The following DOCK9 variants were observed in gnomAD, a reference collection of about 807,000 sequenced individuals.
DOCK9 encodes dedicator of cytokinesis 9, also known as dedicator of cytokinesis protein 9.
A neutral mutation model predicts 263.3 loss-of-function variants in DOCK9; 89 were observed. The observed-to-expected ratio is 0.34, with a 90% CI of 0.28 to 0.40. The LOEUF (loss-of-function observed/expected upper bound fraction) is 0.40. DOCK9 is among the 10% of genes least tolerant of loss of function. DOCK9 has a pLI of 1.00. For synonymous variants in DOCK9, 976 were observed against 973.1 expected (o/e 1.00, Z -0.06); for missense variants, 2,140 against 2,603.4 (o/e 0.82, Z 3.87).
upstream of DOCK9, among the ~76,000 whole-genome samples, chr13:98,979,338 T>C (rs1172731931): frequency 2.6e-5 from 4 of 151,996 alleles, no homozygotes; most frequent in Admixed American, 1.3e-4. Context: ...GGAAATAACA[T>C]AAACTATTAT....
chr13:98,825,823 G>T lies in DOCK9; in HGVS notation c.5023+1007C>A. 1 of 1,311,130 alleles carries T rather than the reference G, an allele frequency of 7.6e-7. No homozygotes were observed. Among genetic ancestry groups the T allele is most frequent in the Non-Finnish European group, 1.0e-6 (1 of 990,904 alleles). 81.2% of individuals were successfully genotyped at this position (1,311,130 alleles called of 1,614,324 possible). On this transcript the variant is annotated intron_variant, in intron 44 of 52. Transcript: ENST00000682017. This position sits in a 1 kb window ranked among gnomAD's most constrained non-coding sequence, Gnocchi z 4.1. ...CAAATCCCCCACCACGGGAGGGCACGTGACCAGGGCAGGGGGTCCCCGGGG... is the reference window on the plus strand; with the variant it reads ...CAAATCCCCCACCACGGGAGGGCACTTGACCAGGGCAGGGGGTCCCCGGGG...
At chr13:98,922,015 T>C in intron 6 of DOCK9, 36 bp downstream of exon 6, 2 of 1,509,210 alleles carry the variant, frequency 1.3e-6, no homozygotes, top group Non-Finnish European at 1.8e-6. Flanking sequence ...AGAAAGGGCT[T>C]GTGAGAGGGG....
chr13:99,054,307 T>C (rs541967927), intron 1 of DOCK9, among the ~76,000 whole-genome samples: 2 of 152,350 alleles, frequency 1.3e-5, no homozygotes, highest in South Asian at 4.1e-4. Context: ...GGGTAATTTG[T>C]GGCCTCGCCA....
At chr13:99,007,448 T>A (rs904481348) in intron 1 of DOCK9, among the ~76,000 whole-genome samples, 5 of 152,030 alleles carry the variant, frequency 3.3e-5, no homozygotes, top group South Asian at 4.1e-4. Flanking sequence ...AGCAAAAAGG[T>A]CACTGCTTCT....
At chr13:99,087,120 T>C (rs555999708), upstream of DOCK9, among the ~76,000 whole-genome samples, 11 of 152,036 alleles carry the variant, frequency 7.2e-5, no homozygotes, top group South Asian at 2.1e-3. Flanking sequence ...GTGGCACCGA[T>C]CGGAACCCGC....
intron 1 of DOCK9, among the ~76,000 whole-genome samples, chr13:99,029,564 G>A (rs1199092255): frequency 1.3e-5 from 2 of 152,142 alleles, no homozygotes; most frequent in African/African-American, 2.4e-5. Flanking sequence ...AAATGGCCAT[G>A]AGCACATAAA....
chr13:99,014,588 C>G (rs1345703012), intron 1 of DOCK9, among the ~76,000 whole-genome samples: 8 of 152,222 alleles, frequency 5.3e-5, no homozygotes. Flanking sequence ...GGTAGCCTCA[C>G]CAGCCGGGAA....
At chr13:99,006,769 A>G (rs1883408880) in intron 1 of DOCK9, among the ~76,000 whole-genome samples, 1 of 152,188 alleles carries the variant, frequency 6.6e-6, no homozygotes, top group Non-Finnish European at 1.5e-5. Context: ...TATTCTAAAT[A>G]TAAAAGACAA....
Position 98,978,051 on chromosome 13 carries a change from G to A in DOCK9, c.-142C>T. Reference sequence around the variant, plus strand: ...CACAAGTGGTCAGCCCCGCTGGCTGGGTCTGCAGAGCCTGTGGGGTGGGAA... The same window carrying A: ...CACAAGTGGTCAGCCCCGCTGGCTGAGTCTGCAGAGCCTGTGGGGTGGGAA... On this transcript the variant is annotated 5_prime_UTR_variant, in exon 1 of 53. Coordinates refer to ENST00000682017, the MANE Select transcript of DOCK9 (RefSeq NM_001366683.2). The A allele has an allele frequency of 2.8e-6, 4 of 1,435,844 alleles. No homozygotes were observed. Among genetic ancestry groups the A allele is most frequent in the Non-Finnish European group, 3.6e-6 (4 of 1,099,804 alleles). The allele number at this position is 1,435,844 out of a possible 1,614,324, so 88.9% of individuals were successfully genotyped here. A position where few individuals can be genotyped will look rare whatever the true frequency, so the allele number is the denominator to read the frequency against.
intron 49 of DOCK9, among the ~76,000 whole-genome samples, chr13:98,800,911 T>C (rs946889422): frequency 6.6e-6 from 1 of 152,206 alleles, no homozygotes; most frequent in African/African-American, 2.4e-5. Context: ...AAATTCATTT[T>C]TGTCCATAGA....
At position 98,978,022 on chromosome 13, in the gene DOCK9, C is replaced by T; in HGVS notation, c.-113G>A. On this transcript the variant is annotated 5_prime_UTR_variant, in exon 1 of 53. Transcript: ENST00000682017. ...AAGGAAGGAAAGGAAACTGGCTTCC[C>T]AGGCACAAGTGGTCAGCCCCGCTGG... is the stretch of plus-strand genomic sequence containing the variant. 1 of 1,452,430 alleles carries T rather than the reference C, an allele frequency of 6.9e-7. No homozygotes were observed. The highest frequency in any genetic ancestry group is 1.4e-5 in the African/African-American group (1 of 70,454). The allele number at this position is 1,452,430 out of a possible 1,614,324, so 90.0% of individuals were successfully genotyped here.
At chr13:98,884,575 A>G (rs56339141) in intron 21 of DOCK9, among the ~76,000 whole-genome samples, 5,255 of 152,346 alleles carry the variant, frequency 0.034, 143 homozygotes, top group Middle Eastern at 0.092. Flanking sequence ...AGGTTTCAGA[A>G]TGTGCAACCC....
chr13:98,999,280 G>A (rs1352011277), intron 1 of DOCK9, among the ~76,000 whole-genome samples: 1 of 94,032 alleles, frequency 1.1e-5, no homozygotes, highest in Non-Finnish European at 2.2e-5. Flanking sequence ...ATGTGTGCAC[G>A]CATGCACGCG....
chr13:98,989,286 A>G (rs1267328974), intron 1 of DOCK9, among the ~76,000 whole-genome samples: 2 of 151,336 alleles, frequency 1.3e-5, no homozygotes, highest in Admixed American at 6.6e-5. Context: ...TTCTGCCTCA[A>G]GTCATTTTGG....
At chr13:98,796,343 C>T in intron 52 of DOCK9, 1 of 757,570 alleles carries the variant, frequency 1.3e-6, no homozygotes, top group Non-Finnish European at 2.3e-6. Context: ...ACGGCCCTGG[C>T]TTCCACTGTG....
chr13:98,837,947 A>C (rs2093067983), intron 38 of DOCK9, among the ~76,000 whole-genome samples: 1 of 152,136 alleles, frequency 6.6e-6, no homozygotes, highest in South Asian at 2.1e-4. Flanking sequence ...AAGTATGAAG[A>C]TTGTTGAACC....
chr13:99,007,510 T>C (rs1883554103), intron 1 of DOCK9, among the ~76,000 whole-genome samples: 1 of 152,220 alleles, frequency 6.6e-6, no homozygotes, highest in African/African-American at 2.4e-5. Context: ...CAGTAGCAGC[T>C]TTATTCATCT....
At chr13:98,935,528 G>A (rs1254141587) in intron 2 of DOCK9, among the ~76,000 whole-genome samples, 3 of 152,158 alleles carry the variant, frequency 2.0e-5, no homozygotes, top group Non-Finnish European at 4.4e-5. Context: ...AGCACTTTGA[G>A]GGGGCCGAGG....
intron 1 of DOCK9, among the ~76,000 whole-genome samples, chr13:98,969,795 T>G (rs2059555779): frequency 6.6e-6 from 1 of 152,118 alleles, no homozygotes; most frequent in Admixed American, 6.5e-5. Flanking sequence ...TGTGCCCAGG[T>G]GTGAAAGCAC....
Sources: allele counts gnomAD v4.1 joint callset (sites outside exome capture counted in the v4.1 genomes callset), GRCh38; gene constraint gnomAD v4.1.1; non-coding constraint Gnocchi (gnomAD v3.1); transcripts MANE v1.5; gene names NCBI Gene and HGNC (gene_info 2026-07-23, HGNC 2026-07-21).